NLGN4X: variants seen among roughly 807,000 people sequenced by gnomAD.
NLGN4X encodes the protein neuroligin 4 X-linked, also known as neuroligin-4, X-linked.
In NLGN4X, 3 loss-of-function variants were observed where a neutral mutation model predicts 40.3. The ratio of observed to expected loss-of-function variants is 0.07; its 90% confidence interval spans 0.03 to 0.19. The LOEUF is 0.19. Among genes scored for constraint, NLGN4X ranks in the 10% least tolerant of loss-of-function variants. The pLI is 1.00. For missense variants in NLGN4X, 382 were observed against 708.3 expected (o/e 0.54, Z 5.23); for synonymous variants, 270 against 306.8 (o/e 0.88, Z 1.25).
intron 3 of NLGN4X, among the ~76,000 whole-genome samples, chrX:5,922,243 G>C (rs1478033646): frequency 2.7e-5 from 3 of 110,895 alleles, no homozygotes; most frequent in South Asian, 3.9e-4. Context: ...TTCGTGGGGA[G>C]GGGGGGAAAC....
At chrX:6,114,561 A>AC (rs1569245267) in intron 2 of NLGN4X, among the ~76,000 whole-genome samples, 59 of 99,191 alleles carry the variant, frequency 5.9e-4, no homozygotes, top group South Asian at 9.0e-4. Flanking sequence ...CACACACACA[A>AC]ACATGCACAC....
chrX:6,184,548 GT>G lies in NLGN4X; in HGVS notation c.-305-32778del, dbSNP rs1222384515. Among the ~76,000 whole-genome samples the G allele has an allele frequency of 2.1e-3, 212 of 100,147 alleles. 1 individual carries two copies. Among genetic ancestry groups the G allele is most frequent in the African/African-American group, 8.3e-3 (201 of 24,203 alleles). 87.0% of individuals were successfully genotyped at this position (100,147 alleles called of 115,157 possible). A position where few individuals can be genotyped will look rare whatever the true frequency, so the allele number is the denominator to read the frequency against. Reference sequence around the variant, plus strand: ...GAGATCAGAACAAATGCTGGGGGGGGTGGGGAATCTCTTAGACTCAACACTC... The same window carrying G: ...GAGATCAGAACAAATGCTGGGGGGGGGGGGAATCTCTTAGACTCAACACTC... On this transcript the variant is annotated intron_variant, in intron 1 of 5. Coordinates refer to ENST00000381095, the MANE Select transcript of NLGN4X (RefSeq NM_181332.3).
At chrX:5,936,011 A>C (rs1247781221) in intron 3 of NLGN4X, among the ~76,000 whole-genome samples, 1 of 112,354 alleles carries the variant, frequency 8.9e-6, no homozygotes, top group African/African-American at 3.2e-5. Context: ...ACAATTTATA[A>C]AAGGAACTGA....
At position 6,195,694 on chromosome X, in the gene NLGN4X, G is replaced by A. The variant is rs779642689; in HGVS notation, c.-306+32847C>T. Among the ~76,000 whole-genome samples the A allele has an allele frequency of 3.6e-5, 4 of 112,036 alleles. No individual in the cohort carries two copies. In the South Asian group the frequency reaches 1.5e-3, roughly 42 times the overall value. The stretch of plus-strand genomic sequence containing the variant: ...AATTTACAATTATCAAGTTAGTGAT[G>A]TATGTGTGTTTCAGAAAATTTTACA... On this transcript the variant is annotated intron_variant, in intron 1 of 5. Transcript: ENST00000381095.
intron 2 of NLGN4X, among the ~76,000 whole-genome samples, chrX:6,069,061 G>A (rs1307231334): frequency 1.8e-5 from 2 of 111,679 alleles, no homozygotes; most frequent in South Asian, 7.5e-4. Flanking sequence ...AGACTGAGGC[G>A]GGTGGATCAA....
intron 1 of NLGN4X, among the ~76,000 whole-genome samples, chrX:6,214,899 T>G (rs752806896): frequency 8.9e-6 from 1 of 111,910 alleles, no homozygotes; most frequent in East Asian, 2.8e-4. Context: ...GTAAAAATGC[T>G]GGGTTCTGAC....
chrX:6,133,917 A>G (rs534050149), intron 2 of NLGN4X, among the ~76,000 whole-genome samples: 10 of 111,825 alleles, frequency 8.9e-5, no homozygotes, highest in African/African-American at 2.9e-4. Context: ...CTCTTTTGCA[A>G]CTACTCAACT....
intron 3 of NLGN4X, among the ~76,000 whole-genome samples, chrX:5,948,724 C>T (rs765114465): frequency 1.8e-5 from 2 of 112,179 alleles, no homozygotes; most frequent in African/African-American, 3.2e-5. Context: ...TCAGTGCCTG[C>T]TCTGGTTAGC....
At chrX:6,065,212 G>A (rs956146701) in intron 2 of NLGN4X, among the ~76,000 whole-genome samples, 1 of 109,909 alleles carries the variant, frequency 9.1e-6, no homozygotes, top group African/African-American at 3.3e-5. Context: ...AAACCCCAGC[G>A]ACACCCAATT....
intron 2 of NLGN4X, among the ~76,000 whole-genome samples, chrX:6,095,092 TACGTGCGTGC>T (rs1569234185): frequency 8.4e-5 from 2 of 23,884 alleles, no homozygotes; most frequent in Non-Finnish European, 1.5e-4. Context: ...AGGCTTTAAG[TACGTGCGTGC>T]GTGTGTGTGT....
intron 5 of NLGN4X, among the ~76,000 whole-genome samples, chrX:5,899,698 T>A (rs1461306118): frequency 1.9e-5 from 2 of 107,208 alleles, no homozygotes; most frequent in African/African-American, 6.8e-5. Flanking sequence ...TCCTTTTTTT[T>A]TTTTTTTATT....
intron 3 of NLGN4X, among the ~76,000 whole-genome samples, chrX:5,951,442 C>G (rs2034308027): frequency 9.0e-6 from 1 of 111,527 alleles, no homozygotes; most frequent in African/African-American, 3.3e-5. Context: ...CTTTCCTGCT[C>G]TCTCTGCTGG....
At chrX:6,090,600 G>T (rs1321563010) in intron 2 of NLGN4X, among the ~76,000 whole-genome samples, 1 of 111,576 alleles carries the variant, frequency 9.0e-6, no homozygotes, top group East Asian at 2.8e-4. Flanking sequence ...CTCAATCAAA[G>T]AACATCCCTA....
intron 3 of NLGN4X, among the ~76,000 whole-genome samples, chrX:5,934,576 G>A (rs927115506): frequency 9.9e-5 from 11 of 111,508 alleles, no homozygotes; most frequent in African/African-American, 3.6e-4. Flanking sequence ...CACCCAGAAA[G>A]GAATGCAGCC....
At chrX:6,209,881 C>T (rs1281600320) in intron 1 of NLGN4X, among the ~76,000 whole-genome samples, 1 of 112,067 alleles carries the variant, frequency 8.9e-6, no homozygotes, top group Non-Finnish European at 1.9e-5. Context: ...GAGACAGAAT[C>T]TCTCTGTCAC....
intron 2 of NLGN4X, among the ~76,000 whole-genome samples, chrX:6,079,125 A>G (rs1431571845): frequency 9.0e-6 from 1 of 111,587 alleles, no homozygotes; most frequent in African/African-American, 3.3e-5. Context: ...ACCCAGTCTC[A>G]GGTATTTTTT....
At chrX:6,179,160 G>A (rs1395202107) in intron 1 of NLGN4X, among the ~76,000 whole-genome samples, 1 of 66,372 alleles carries the variant, frequency 1.5e-5, no homozygotes, top group Non-Finnish European at 2.9e-5. Context: ...TTTTTGGTAG[G>A]GGAGTATGTG....
intron 1 of NLGN4X, among the ~76,000 whole-genome samples, chrX:6,220,769 G>A (rs1280220896): frequency 1.3e-5 from 1 of 75,972 alleles, no homozygotes; most frequent in African/African-American, 5.6e-5. Flanking sequence ...ACAGAGTCTC[G>A]CTCTGTCACC....
chrX:6,016,898 TG>T (rs770203782), intron 3 of NLGN4X, among the ~76,000 whole-genome samples: 53 of 112,159 alleles, frequency 4.7e-4, no homozygotes, highest in African/African-American at 1.7e-3. Context: ...TTAATTTACA[TG>T]AAATGCCCCC....
Sources: allele counts gnomAD v4.1 joint callset (sites outside exome capture counted in the v4.1 genomes callset), GRCh38; gene constraint gnomAD v4.1.1; transcripts MANE v1.5; gene names NCBI Gene and HGNC (gene_info 2026-07-23, HGNC 2026-07-21).